The following RALGAPA1 variants were observed in gnomAD, a reference collection of about 807,000 sequenced individuals.
RALGAPA1 encodes the protein ral GTPase-activating protein subunit alpha-1.
In RALGAPA1, 52 loss-of-function variants were observed where a neutral mutation model predicts 269.6. That is an observed-to-expected ratio of 0.19 (90% confidence interval 0.15 to 0.24). The LOEUF is 0.24. Among genes scored for constraint, RALGAPA1 ranks in the 10% least tolerant of loss-of-function variants. The pLI, the probability that RALGAPA1 is intolerant of heterozygous loss-of-function variation, is 1.00. For synonymous variants in RALGAPA1, 817 were observed against 1,008.3 expected (o/e 0.81, Z 3.60); for missense variants, 1,917 against 3,013.9 (o/e 0.64, Z 8.52).
intron 37 of RALGAPA1, among the ~76,000 whole-genome samples, chr14:35,588,506 T>C (rs1046718100): frequency 8.5e-5 from 13 of 152,254 alleles, no homozygotes; most frequent in Admixed American, 3.9e-4. Flanking sequence ...ATCTACTTTG[T>C]TCCACTTTTA....
intron 39 of RALGAPA1, among the ~76,000 whole-genome samples, chr14:35,566,461 T>A (rs1157416934): frequency 6.6e-6 from 1 of 152,146 alleles, no homozygotes; most frequent in East Asian, 1.9e-4. Context: ...ATAAAATAAC[T>A]GACACAGCAG....
intron 33 of RALGAPA1, among the ~76,000 whole-genome samples, chr14:35,628,885 A>T (rs1412852603): frequency 6.6e-6 from 1 of 152,190 alleles, no homozygotes; most frequent in Non-Finnish European, 1.5e-5. Flanking sequence ...ACGAGTAACT[A>T]AAAAAATCAT....
At chr14:35,573,569 G>A (rs558713199) in intron 37 of RALGAPA1, among the ~76,000 whole-genome samples, 4 of 152,128 alleles carry the variant, frequency 2.6e-5, no homozygotes, top group South Asian at 2.1e-4. Context: ...GCTAACATAC[G>A]GGCAATTTCT....
intron 10 of RALGAPA1, among the ~76,000 whole-genome samples, chr14:35,745,817 G>A (rs1297071909): frequency 2.0e-5 from 3 of 150,964 alleles, no homozygotes; most frequent in Non-Finnish European, 4.4e-5. Context: ...AGGCACAGTG[G>A]CTCATGCCTT....
At chr14:35,683,733 C>T in intron 21 of RALGAPA1, 76 bp downstream of exon 21, 1 of 1,128,030 alleles carries the variant, frequency 8.9e-7, no homozygotes, top group Non-Finnish European at 1.2e-6. Context: ...TACTTAAAAT[C>T]TCTCAAAATT....
chr14:35,721,852 G>C lies in RALGAPA1; in HGVS notation c.2105-3C>G. On this transcript the variant is annotated splice_polypyrimidine_tract_variant and splice_region_variant and intron_variant, in intron 15 of 41. Coordinates refer to ENST00000680220, the MANE Select transcript of RALGAPA1 (RefSeq NM_001346249.2). ...TTTCTGAAATTCATGTCCAACTCCT[G>C]GAAATGTAGATTTTCAATCTCAATA... 6.2e-7 allele frequency: 1 copy of C among 1,611,618 alleles called. No homozygotes were observed. Among genetic ancestry groups the C allele is most frequent in the East Asian group, 2.2e-5 (1 of 44,854 alleles).
chr14:35,743,828 G>C (rs933077726), intron 10 of RALGAPA1, among the ~76,000 whole-genome samples: 14 of 152,102 alleles, frequency 9.2e-5, no homozygotes, highest in Middle Eastern at 3.4e-3. Flanking sequence ...AAGTTCTATA[G>C]TTTAACAATA....
At chr14:35,608,867 T>A (rs1266531739) in intron 35 of RALGAPA1, among the ~76,000 whole-genome samples, 4 of 152,192 alleles carry the variant, frequency 2.6e-5, no homozygotes, top group Non-Finnish European at 5.9e-5. Flanking sequence ...CAGAATACTC[T>A]ATCCTACAGT....
rs528186159 is a variant in RALGAPA1 at position 35,702,468 on chromosome 14, G to A, written c.2267-2166C>T. Among the ~76,000 whole-genome samples, 24 of 152,206 alleles carry A rather than the reference G, an allele frequency of 1.6e-4. No homozygotes were observed. In the South Asian group the frequency reaches 5.0e-3, roughly 32 times the overall value. On this transcript the variant is annotated intron_variant, in intron 16 of 41. Coordinates refer to ENST00000680220, the MANE Select transcript of RALGAPA1 (RefSeq NM_001346249.2). ...CCATGCTGTGTATTAAAGATCAAGT[G>A]TATTTTAAAAACAACCCATATACAA...
At chr14:35,763,685 G>T (rs145191775) in intron 4 of RALGAPA1, among the ~76,000 whole-genome samples, 33 of 150,450 alleles carry the variant, frequency 2.2e-4, no homozygotes, top group African/African-American at 5.1e-4. Context: ...AAGACATTTG[G>T]TTTTTTTCAA....
At chr14:35,649,046 A>G (rs2062647016) in intron 31 of RALGAPA1, among the ~76,000 whole-genome samples, 1 of 152,184 alleles carries the variant, frequency 6.6e-6, no homozygotes, top group African/African-American at 2.4e-5. Context: ...CACAATGTTA[A>G]TACTACTCAT....
chr14:35,702,987 T>C (rs2067496291), intron 16 of RALGAPA1, among the ~76,000 whole-genome samples: 1 of 152,084 alleles, frequency 6.6e-6, no homozygotes, highest in South Asian at 2.1e-4. Flanking sequence ...CTGAATTGAG[T>C]TTTTGATTCC....
At chr14:35,771,336 G>A (rs1202307775) in intron 3 of RALGAPA1, among the ~76,000 whole-genome samples, 2 of 152,164 alleles carry the variant, frequency 1.3e-5, no homozygotes, top group South Asian at 2.1e-4. Flanking sequence ...AGAGGTTACC[G>A]TGAGCCGAGA....
chr14:35,655,956 C>T (rs1335039576), intron 28 of RALGAPA1, 41 bp from the exon 29 acceptor site: 1 of 1,611,152 alleles, frequency 6.2e-7, no homozygotes, highest in Non-Finnish European at 8.5e-7. Context: ...TAAAATGAAA[C>T]CACCACCACA....
intron 31 of RALGAPA1, among the ~76,000 whole-genome samples, chr14:35,650,069 G>T (rs1011976382): frequency 5.3e-5 from 8 of 152,228 alleles, no homozygotes; most frequent in Non-Finnish European, 8.8e-5. Context: ...CTAAAGCGAA[G>T]GATTCTTGGC....
At chr14:35,694,220 A>T (rs2066724607) in intron 17 of RALGAPA1, among the ~76,000 whole-genome samples, 1 of 152,096 alleles carries the variant, frequency 6.6e-6, no homozygotes, top group East Asian at 1.9e-4. Flanking sequence ...AAGGGCCAAA[A>T]TCCCCTTTAC....
chr14:35,785,083 A>C (rs1366392869), intron 1 of RALGAPA1, among the ~76,000 whole-genome samples: 1 of 152,226 alleles, frequency 6.6e-6, no homozygotes, highest in Non-Finnish European at 1.5e-5. Flanking sequence ...GTACATGTCC[A>C]AAACAGATAA....
intron 31 of RALGAPA1, among the ~76,000 whole-genome samples, chr14:35,645,391 A>G (rs12881452): frequency 0.17 from 18,526 of 110,444 alleles, 1,266 homozygotes; most frequent in African/African-American, 0.25. Context: ...GTGTGTGTGT[A>G]TATGTTATGT....
intron 16 of RALGAPA1, among the ~76,000 whole-genome samples, chr14:35,708,994 C>T (rs2068049816): frequency 6.6e-6 from 1 of 152,034 alleles, no homozygotes; most frequent in African/African-American, 2.4e-5. Flanking sequence ...ACATCACATG[C>T]TCTCACTTAT....
Sources: allele counts gnomAD v4.1 joint callset (sites outside exome capture counted in the v4.1 genomes callset), GRCh38; gene constraint gnomAD v4.1.1; transcripts MANE v1.5; gene names NCBI Gene and HGNC (gene_info 2026-07-23, HGNC 2026-07-21).